The following FAM234B variants were observed in gnomAD, a reference collection of about 807,000 sequenced individuals.
The protein encoded by FAM234B is family with sequence similarity 234 member B, also known as protein FAM234B.
Under a neutral mutation model 69.3 loss-of-function variants are expected in FAM234B, and 33 were observed. The observed-to-expected ratio is 0.48, with a 90% confidence interval of 0.36 to 0.64. The LOEUF (loss-of-function observed/expected upper bound fraction) is 0.64, where lower values mean the gene tolerates loss of function less well. Among genes scored for constraint, FAM234B ranks in the 30% least tolerant of loss-of-function variants. FAM234B has a pLI of 0.00. For synonymous variants in FAM234B, 306 were observed against 306.9 expected (o/e 1.00, Z 0.03); for missense variants, 697 against 769.7 (o/e 0.91, Z 1.12).
chr12:13,066,642 A>G lies in FAM234B; in HGVS notation c.855A>G (p.Pro285=), dbSNP rs768379808. 4 of 1,611,646 alleles carry G rather than the reference A, an allele frequency of 2.5e-6. No homozygotes were observed. In the South Asian group the frequency reaches 3.3e-5, roughly 13 times the overall value. The change falls in exon 6 of 13, where the codon CCA becomes CCG. Residue 285 remains proline (P), a splice_region_variant and synonymous_variant. Coordinates refer to ENST00000197268, the MANE Select transcript of FAM234B (RefSeq NM_020853.2). Reference sequence around the variant, plus strand: ...ACCCCCCTCTCTTACTTCCTCAGCCAGATCTGTGCTTTCTGCTGGTGTCTG... The same window carrying G: ...ACCCCCCTCTCTTACTTCCTCAGCCGGATCTGTGCTTTCTGCTGGTGTCTG... The part of the protein sequence containing the change: ...LVVLAIGELQ[P]DLCFLLVSGR...
intron 9 of FAM234B, among the ~76,000 whole-genome samples, chr12:13,069,376 T>TA (rs1269309259): frequency 6.6e-6 from 1 of 152,212 alleles, no homozygotes; most frequent in Admixed American, 6.5e-5. Context: ...CACTGTGAAA[T>TA]ATATATCTAT....
At position 13,071,697 on chromosome 12, in the gene FAM234B, A is replaced by G. The variant is rs141791589; in HGVS notation, c.1524+301A>G. Among the ~76,000 whole-genome samples, 617 of 152,208 alleles carry G rather than the reference A, an allele frequency of 4.1e-3. 2 individuals carry two copies. The highest frequency in any genetic ancestry group is 0.014 in the African/African-American group (583 of 41,540). On this transcript the variant is annotated intron_variant, in intron 10 of 12. Coordinates refer to ENST00000197268, the MANE Select transcript of FAM234B (RefSeq NM_020853.2). ...AGATCCAAATTTACAGATAATTCAC[A>G]TATGCTACGGTTGTTGAAGAGGAGA...
At chr12:13,074,649 G>A (rs1262706673) in intron 10 of FAM234B, among the ~76,000 whole-genome samples, 1 of 152,198 alleles carries the variant, frequency 6.6e-6, no homozygotes, top group African/African-American at 2.4e-5. Context: ...AGACTGCTAA[G>A]GAATTTGTGC....
chr12:13,044,493 G>C lies in FAM234B; in HGVS notation c.37+53G>C, dbSNP rs1252152304. On this transcript the variant is annotated intron_variant, in intron 1 of 12. Transcript: ENST00000197268. This position sits in a 1 kb window ranked among gnomAD's most constrained non-coding sequence, Gnocchi z 5.6. ...CAGTCCCCGCCGGTGTTGGAATAAG[G>C]GGAGGCGAGGCTCTGGGGGCGAGGC... The C allele has an allele frequency of 6.5e-7, 1 of 1,542,074 alleles. No individual in the cohort carries two copies. The highest frequency in any genetic ancestry group is 1.4e-5 in the African/African-American group (1 of 72,842).
At chr12:13,076,867 A>G (rs565665904) in intron 11 of FAM234B, among the ~76,000 whole-genome samples, 6 of 152,234 alleles carry the variant, frequency 3.9e-5, no homozygotes, top group African/African-American at 1.4e-4. Context: ...TCCTTCCCTC[A>G]TGGAATCTGC....
chr12:13,055,773 T>C lies in FAM234B; in HGVS notation c.260T>C (p.Leu87Pro), dbSNP rs755422991. ...ACGGAGGGCTACCCCTCAGAACCCC[T>C]TGGGGGCCTGGAACAGAAGGCGGCC... ...VTTEGYPSEP[L>P]GGLEQKAASS... Residue 87 changes from leucine (L) to proline (P), a missense_variant, in exon 2 of 13, where the codon CTT (leucine) becomes CCT (proline). Physicochemically the swap from Leu to Pro is moderately conservative, Grantham distance 98. Coordinates refer to ENST00000197268, the MANE Select transcript of FAM234B (RefSeq NM_020853.2). 3 of 1,614,048 alleles carry C rather than the reference T, an allele frequency of 1.9e-6. No homozygotes were observed. Among genetic ancestry groups the C allele is most frequent in the South Asian group, 2.2e-5 (2 of 91,082 alleles).
intron 12 of FAM234B, 65 bp from the exon 13 acceptor site, chr12:13,080,560 C>T: frequency 1.5e-6 from 2 of 1,356,714 alleles, no homozygotes; most frequent in Admixed American, 1.7e-5. Flanking sequence ...CTTTAGTTTT[C>T]CTGCTTTTCT....
Position 13,062,938 on chromosome 12 carries a change from T to G in FAM234B, c.815T>G (p.Val272Gly). Residue 272 changes from valine (V) to glycine (G), a missense_variant, in exon 5 of 13, where the codon GTT (valine) becomes GGT (glycine). Transcript: ENST00000197268. ...VVLPDLDEDG[V>G]RDLVVLAIGE... ...CTGCCAGACTTGGATGAAGACGGTG[T>G]TCGAGACCTTGTGGTTCTGGCCATT... is the stretch of plus-strand genomic sequence containing the variant. 1 of 1,614,078 alleles carries G rather than the reference T, an allele frequency of 6.2e-7. No individual in the cohort carries two copies. The highest frequency in any genetic ancestry group is 1.1e-5 in the South Asian group (1 of 91,072).
Position 13,044,450 on chromosome 12 carries a change from C to G in FAM234B, c.37+10C>G. On this transcript the variant is annotated intron_variant, in intron 1 of 12. Coordinates refer to ENST00000197268, the MANE Select transcript of FAM234B (RefSeq NM_020853.2). The surrounding 1 kb of genome is among the most constrained non-coding windows in gnomAD (Gnocchi z 5.6). Reference sequence around the variant, plus strand: ...GCGCTCAAGCTGCCGGGTAAGGAGTCGCATGCTTGCGACCACCCAGTCCCC... The same window carrying G: ...GCGCTCAAGCTGCCGGGTAAGGAGTGGCATGCTTGCGACCACCCAGTCCCC... 1 of 1,550,862 alleles carries G rather than the reference C, an allele frequency of 6.4e-7. No individual in the cohort carries two copies. The highest frequency in any genetic ancestry group is 2.0e-5 in the Admixed American group (1 of 51,088).
intron 9 of FAM234B, among the ~76,000 whole-genome samples, chr12:13,070,499 G>A (rs1249377405): frequency 1.3e-5 from 2 of 152,062 alleles, no homozygotes; most frequent in African/African-American, 4.8e-5. Context: ...GAGCAGGAGG[G>A]AGTAAAGACA....
At chr12:13,052,133 G>A (rs1267351913) in intron 1 of FAM234B, among the ~76,000 whole-genome samples, 1 of 152,156 alleles carries the variant, frequency 6.6e-6, no homozygotes, top group African/African-American at 2.4e-5. Flanking sequence ...GGACTTACAT[G>A]TGAGAGAGGG....
intron 1 of FAM234B, among the ~76,000 whole-genome samples, chr12:13,048,641 G>A (rs538027253): frequency 1.2e-4 from 18 of 151,656 alleles, no homozygotes; most frequent in Non-Finnish European, 1.5e-4. Flanking sequence ...TTTTTTCCAC[G>A]GGATCATATG....
chr12:13,054,105 C>A (rs1422630596), intron 1 of FAM234B, among the ~76,000 whole-genome samples: 1 of 152,168 alleles, frequency 6.6e-6, no homozygotes, highest in Non-Finnish European at 1.5e-5. Context: ...ATTGTTCAAA[C>A]ACACGTTTTA....
intron 5 of FAM234B, among the ~76,000 whole-genome samples, chr12:13,065,761 C>G (rs757297178): frequency 6.6e-6 from 1 of 152,176 alleles, no homozygotes; most frequent in Non-Finnish European, 1.5e-5. Context: ...TAGCACAGTG[C>G]TATGACATTC....
intron 4 of FAM234B, 93 bp from the exon 5 acceptor site, chr12:13,062,752 T>A: frequency 2.1e-6 from 3 of 1,407,452 alleles, no homozygotes; most frequent in Non-Finnish European, 2.0e-6. Flanking sequence ...GTTCAGCCCC[T>A]TGCGTCTTTC....
rs1865037644 is a variant in FAM234B at position 13,066,492 on chromosome 12, C to T, written c.853-148C>T. 20 of 790,342 alleles carry T rather than the reference C, an allele frequency of 2.5e-5. 1 individual carries two copies. Among genetic ancestry groups the T allele is most frequent in the South Asian group, 1.3e-4 (6 of 45,626 alleles). 49.0% of individuals were successfully genotyped at this position (790,342 alleles called of 1,614,324 possible). On this transcript the variant is annotated intron_variant, in intron 5 of 12. Transcript: ENST00000197268. ...CTTGCTTACTTGCAGGGAAATAAAG[C>T]GAAGCAGGTTTGGCTTTGTGCTTTC...
At position 13,062,865 on chromosome 12, in the gene FAM234B, A is replaced by T; in HGVS notation, c.742A>T (p.Asn248Tyr). ...ATSGKAIWTL[N>Y]PNYLSNGTLA... ...CTCAGGGAAAGCCATTTGGACTTTA[A>T]ACCCAAACTACTTGTCCAACGGTAC... Residue 248 changes from asparagine (N) to tyrosine (Y), a missense_variant, in exon 5 of 13, where the codon AAC becomes TAC. Around this residue, in one of 3 missense-constraint regions of FAM234B, gnomAD observed 380 missense variants for 447.1 expected, o/e 0.85. Coordinates refer to ENST00000197268, the MANE Select transcript of FAM234B (RefSeq NM_020853.2). 1 of 1,614,022 alleles carries T rather than the reference A, an allele frequency of 6.2e-7. No individual in the cohort carries two copies. The highest frequency in any genetic ancestry group is 2.2e-5 in the East Asian group (1 of 44,888).
intron 1 of FAM234B, among the ~76,000 whole-genome samples, chr12:13,054,267 G>A (rs940804434): frequency 1.3e-5 from 2 of 152,074 alleles, no homozygotes; most frequent in Admixed American, 6.5e-5. Context: ...TACAATTTGT[G>A]GTTAGAGATT....
Position 13,068,225 on chromosome 12 carries a change from T to C in FAM234B, c.1143-79T>C, listed in dbSNP as rs190512479. On this transcript the variant is annotated intron_variant, in intron 7 of 12. Transcript: ENST00000197268. ...AGAGTGTGTACAGGTGTACGTATAC[T>C]GAGAGAAAAAGCCAAAGTAAATGGC... 2.7e-6 allele frequency: 4 copies of C among 1,484,244 alleles called. No individual in the cohort carries two copies. The East Asian group carries it at 6.8e-5, about 25-fold the overall frequency. The allele number at this position is 1,484,244 out of a possible 1,614,324, so 91.9% of individuals were successfully genotyped here. A position where few individuals can be genotyped will look rare whatever the true frequency, so the allele number is the denominator to read the frequency against.
Sources: gnomAD v4.1 joint callset for allele counts (sites outside exome capture counted in the v4.1 genomes callset) on GRCh38, gnomAD v4.1.1 for gene constraint, gnomAD v4.1.1 regional missense constraint, Gnocchi (gnomAD v3.1) non-coding constraint, MANE v1.5 for transcripts, NCBI Gene and HGNC (gene_info 2026-07-23, HGNC 2026-07-21) for gene names.